Variants in USP39 observed in about 807,000 individuals in gnomAD.
The protein encoded by USP39 is ubiquitin specific peptidase 39, also known as ubiquitin carboxyl-terminal hydrolase 39.
A neutral mutation model predicts 66.4 loss-of-function variants in USP39; 38 were observed. That is an observed-to-expected ratio of 0.57 (90% CI 0.44 to 0.75). The LOEUF is 0.75. Among genes scored for constraint, USP39 ranks in the 30% least tolerant of loss-of-function variants. The pLI is 0.00. For missense variants in USP39, 608 were observed against 714.4 expected (o/e 0.85, Z 1.70); for synonymous variants, 303 against 274.6 (o/e 1.10, Z -1.02).
upstream of USP39, among the ~76,000 whole-genome samples, chr2:85,609,822 A>G (rs1456695016): frequency 6.6e-6 from 1 of 151,994 alleles, no homozygotes; most frequent in Non-Finnish European, 1.5e-5. Context: ...CTGGGATTAC[A>G]GGCAAGTGCC....
At chr2:85,641,907 T>TAAAA (rs759697072) in intron 10 of USP39, among the ~76,000 whole-genome samples, 22 of 91,146 alleles carry the variant, frequency 2.4e-4, no homozygotes, top group East Asian at 8.6e-4. Flanking sequence ...GTGACTGTGC[T>TAAAA]AAAAAAAAAA....
upstream of USP39, among the ~76,000 whole-genome samples, chr2:85,614,623 T>TTAAA (rs1279017038): frequency 6.6e-6 from 1 of 152,256 alleles, no homozygotes; most frequent in Non-Finnish European, 1.5e-5. Context: ...TGCTTGTTTA[T>TTAAA]ATATAGGATA....
At chr2:85,639,541 A>G (rs1573442190) in intron 9 of USP39, 150 bp downstream of exon 9, 3 of 716,378 alleles carry the variant, frequency 4.2e-6, no homozygotes, top group Admixed American at 3.5e-5. Context: ...TGCAATCTCT[A>G]CCTCCCAGTT....
intron 1 of USP39, among the ~76,000 whole-genome samples, chr2:85,604,815 T>C (rs766767592): frequency 4.6e-5 from 7 of 152,198 alleles, no homozygotes; most frequent in Admixed American, 2.6e-4. Flanking sequence ...TTGAGCTGGG[T>C]TTGAGTCCCT....
At position 85,636,114 on chromosome 2, in the gene USP39, A is replaced by G. The variant is rs760034701; in HGVS notation, c.1011A>G (p.Thr337=). ...CTCTGCACTCAGCTCTGGGGGGCAC[A>G]AAGAAGAAAAAGAAGAGTAAGTCAT... ...LNALHSALGG[T]KKKKKTIVTD... Residue 337 remains threonine, a synonymous_variant, in exon 7 of 13, where the codon ACA becomes ACG. Transcript: ENST00000323701. 5.6e-6 allele frequency: 9 copies of G among 1,613,622 alleles called. No homozygotes were observed. In the African/African-American group the frequency reaches 1.1e-4, roughly 19 times the overall value.
upstream of USP39, chr2:85,610,217 G>A (rs1558838810): frequency 6.6e-6 from 1 of 152,062 alleles, no homozygotes; most frequent in Non-Finnish European, 1.5e-5. Flanking sequence ...GTTTCACCAT[G>A]TTGTCCAGGT....
chr2:85,625,430 G>C, intron 4 of USP39, 109 bp from the exon 5 acceptor site: 1 of 1,411,614 alleles, frequency 7.1e-7, no homozygotes, highest in Admixed American at 1.8e-5. Flanking sequence ...TTCTGTGTGT[G>C]GTGGGATGTT....
At chr2:85,611,962 C>T (rs1673576640), upstream of USP39, 4 of 1,536,778 alleles carry the variant, frequency 2.6e-6, no homozygotes, top group Non-Finnish European at 2.6e-6. Flanking sequence ...GTGCCCCGGC[C>T]GGGGATGCGG....
intron 5 of USP39, among the ~76,000 whole-genome samples, chr2:85,628,262 C>T (rs1266136732): frequency 1.3e-5 from 2 of 152,140 alleles, no homozygotes; most frequent in Non-Finnish European, 2.9e-5. Flanking sequence ...TCTCCTGCCT[C>T]AGCCTCCCGA....
At position 85,616,489 on chromosome 2, in the gene USP39, C is replaced by T. The variant is rs533084361; in HGVS notation, c.268+26C>T. ...GTGCGCGGGGCCGGGCCGGGCTAGG[C>T]GCGAGAGCCTGTTTTTTTCGCGTCC... On this transcript the variant is annotated intron_variant, in intron 1 of 12. Transcript: ENST00000323701. 7.4e-5 allele frequency: 98 copies of T among 1,330,680 alleles called. No homozygotes were observed. The South Asian group carries it at 1.5e-3, about 20-fold the overall frequency. The allele number at this position is 1,330,680 out of a possible 1,614,324, so 82.4% of individuals were successfully genotyped here.
chr2:85,613,381 C>T (rs912816337), upstream of USP39, among the ~76,000 whole-genome samples: 8 of 151,858 alleles, frequency 5.3e-5, no homozygotes, highest in African/African-American at 1.5e-4. Context: ...GCTTGATGGC[C>T]GGTGCTTGTA....
At chr2:85,624,143 T>G (rs1288760711) in intron 4 of USP39, among the ~76,000 whole-genome samples, 1 of 152,184 alleles carries the variant, frequency 6.6e-6, no homozygotes, top group African/African-American at 2.4e-5. Flanking sequence ...CACCGGCTCC[T>G]GGCTGCTTTT....
chr2:85,640,185 G>C (rs569642213), intron 9 of USP39, among the ~76,000 whole-genome samples: 3 of 151,666 alleles, frequency 2.0e-5, no homozygotes, highest in African/African-American at 7.3e-5. Context: ...GCCCCCTCTT[G>C]TACTTCTCAT....
chr2:85,640,664 G>C (rs1676165682), intron 9 of USP39, among the ~76,000 whole-genome samples: 2 of 149,204 alleles, frequency 1.3e-5, no homozygotes, highest in African/African-American at 4.9e-5. Flanking sequence ...GTAGAGATGG[G>C]GTTTCACCAT....
chr2:85,647,086 A>G (rs1264354692), intron 11 of USP39, among the ~76,000 whole-genome samples: 2 of 151,964 alleles, frequency 1.3e-5, no homozygotes, highest in African/African-American at 4.8e-5. Context: ...ACGGGGTTTT[A>G]CTGTGTTGGC....
upstream of USP39, chr2:85,607,748 T>A (rs1453130263): frequency 1.3e-5 from 2 of 152,188 alleles, no homozygotes; most frequent in African/African-American, 4.8e-5. Flanking sequence ...CTTAAAGCCA[T>A]ATTTCAAGGC....
At chr2:85,614,058 C>G (rs1391021991), upstream of USP39, among the ~76,000 whole-genome samples, 2 of 151,896 alleles carry the variant, frequency 1.3e-5, no homozygotes. Context: ...TGTGAGCCAC[C>G]GTACTGGGCC....
intron 6 of USP39, among the ~76,000 whole-genome samples, chr2:85,633,093 A>G (rs910396725): frequency 2.0e-5 from 3 of 152,054 alleles, no homozygotes; most frequent in Non-Finnish European, 2.9e-5. Context: ...AGCTTGGATT[A>G]TATCCTGAAA....
Position 85,623,765 on chromosome 2 carries a change from TC to T in USP39, c.554del (p.Ser185TyrfsTer9). ...LPDNYEIIDS[S>X]LEDITYVLKP... is the part of the protein sequence containing the mutation. ...AGACAACTATGAGATCATCGATTCC[TC>T]ATTGGAGGATATCACGGTGTGTGTC... On this transcript the variant is annotated frameshift_variant, in exon 4 of 13. Transcript: ENST00000323701. LOFTEE classifies it high-confidence loss of function. The T allele has an allele frequency of 6.2e-7, 1 of 1,612,656 alleles. No homozygotes were observed. The highest frequency in any genetic ancestry group is 8.5e-7 in the Non-Finnish European group (1 of 1,179,444).
Sources: gnomAD v4.1 joint callset for allele counts (sites outside exome capture counted in the v4.1 genomes callset) on GRCh38, gnomAD v4.1.1 for gene constraint, MANE v1.5 for transcripts, NCBI Gene and HGNC (gene_info 2026-07-23, HGNC 2026-07-21) for gene names.